The following MAP2K2 variants were observed in gnomAD, a reference collection of about 807,000 sequenced individuals.
The protein encoded by MAP2K2 is mitogen-activated protein kinase kinase 2, also known as dual specificity mitogen-activated protein kinase kinase 2.
In MAP2K2, 24 loss-of-function variants were observed where a neutral mutation model predicts 43.7. The observed-to-expected ratio is 0.55, with a 90% confidence interval of 0.40 to 0.77. The LOEUF is 0.77. Ranked by LOEUF, MAP2K2 falls within the 30% of genes least tolerant of loss-of-function variation. The pLI is 0.00. For synonymous variants in MAP2K2, 244 were observed against 239.7 expected (o/e 1.02, Z -0.17); for missense variants, 470 against 566.8 (o/e 0.83, Z 1.73).
chr19:4,091,356 A>C (rs919568560), intron 10 of MAP2K2, among the ~76,000 whole-genome samples: 1 of 145,946 alleles, frequency 6.9e-6, no homozygotes, highest in African/African-American at 2.5e-5. Flanking sequence ...TTTTACTTTA[A>C]TTTTTTTTTT....
At position 4,101,148 on chromosome 19, in the gene MAP2K2, A is replaced by G. The variant is rs757662989; in HGVS notation, c.581-5T>C. On this transcript the variant is annotated splice_region_variant and splice_polypyrimidine_tract_variant and intron_variant, in intron 5 of 10. Coordinates refer to ENST00000262948, the MANE Select transcript of MAP2K2 (RefSeq NM_030662.4). The surrounding 1 kb of genome is among the most constrained non-coding windows in gnomAD (Gnocchi z 6.3). ...GGATGTTGGAGGGCTTCACATCTGG[A>G]GGCGGCAGGCTGCGGGTGAGGGGCG... The G allele has an allele frequency of 1.7e-5, 26 of 1,520,116 alleles. No individual in the cohort carries two copies. In the South Asian group the frequency reaches 1.9e-4, roughly 11 times the overall value. The allele number at this position is 1,520,116 out of a possible 1,614,324, so 94.2% of individuals were successfully genotyped here.
At chr19:4,105,620 G>A (rs1053249238) in intron 3 of MAP2K2, among the ~76,000 whole-genome samples, 4 of 152,008 alleles carry the variant, frequency 2.6e-5, no homozygotes, top group Non-Finnish European at 5.9e-5. Flanking sequence ...TAACCTGGAC[G>A]CCGCATCACT....
Position 4,115,141 on chromosome 19 carries a change from C to T in MAP2K2, c.303+2278G>A, listed in dbSNP as rs1369617001. On this transcript the variant is annotated intron_variant, in intron 2 of 10. Coordinates refer to ENST00000262948, the MANE Select transcript of MAP2K2 (RefSeq NM_030662.4). The surrounding 1 kb of genome is among the most constrained non-coding windows in gnomAD (Gnocchi z 4.1). The stretch of plus-strand genomic sequence containing the variant: ...AAAATAGTAACGAGAGTCCCGTGCG[C>T]CCTTTCCCCGCCTCCCCCAAGATGA... Among the ~76,000 whole-genome samples, 1 of 152,068 alleles carries T rather than the reference C, an allele frequency of 6.6e-6. No individual in the cohort carries two copies. The highest frequency in any genetic ancestry group is 2.4e-5 in the African/African-American group (1 of 41,398).
chr19:4,092,514 G>A (rs1468264348), intron 10 of MAP2K2, among the ~76,000 whole-genome samples: 1 of 151,998 alleles, frequency 6.6e-6, no homozygotes, highest in Non-Finnish European at 1.5e-5. Flanking sequence ...GCTTGAACCT[G>A]GAAGATGGAG....
chr19:4,105,199 TGTGTGA>T, intron 3 of MAP2K2, among the ~76,000 whole-genome samples: 1 of 133,384 alleles, frequency 7.5e-6, no homozygotes, highest in South Asian at 2.5e-4. Context: ...TGTGTGTGTG[TGTGTGA>T]TGTTTAAAAT....
intron 10 of MAP2K2, among the ~76,000 whole-genome samples, chr19:4,092,267 T>C (rs2040861420): frequency 6.6e-6 from 1 of 152,208 alleles, no homozygotes; most frequent in Non-Finnish European, 1.5e-5. Context: ...AGGTCCAGGA[T>C]ACCCAACAGG....
intron 1 of MAP2K2, among the ~76,000 whole-genome samples, 181 bp downstream of exon 1, chr19:4,123,603 G>A (rs1376091948): frequency 3.3e-3 from 146 of 44,514 alleles, no homozygotes; most frequent in Admixed American, 0.02. Flanking sequence ...CCTCCCCCGA[G>A]GGTCCCCTGC....
chr19:4,111,960 A>AT (rs1302115253), intron 2 of MAP2K2, among the ~76,000 whole-genome samples: 1 of 150,574 alleles, frequency 6.6e-6, no homozygotes, highest in Non-Finnish European at 1.5e-5. Context: ...TCTCAAAAAA[A>AT]CCCCCAAAAA....
chr19:4,093,692 C>T (rs1411766607), intron 10 of MAP2K2, among the ~76,000 whole-genome samples: 1 of 151,900 alleles, frequency 6.6e-6, no homozygotes, highest in Non-Finnish European at 1.5e-5. Flanking sequence ...CTGTCCGACT[C>T]TCAAGAAAAA....
intron 3 of MAP2K2, chr19:4,102,764 A>G: frequency 7.8e-7 from 1 of 1,280,112 alleles, no homozygotes; most frequent in Admixed American, 3.3e-5. Context: ...GGCCAGCCCA[A>G]GCCGCGGCCG....
In MAP2K2 at chr19:4,091,291, T is replaced by C. The variant is rs1355405059; in HGVS notation, c.1093-583A>G. On this transcript the variant is annotated intron_variant, in intron 10 of 10. Coordinates refer to ENST00000262948, the MANE Select transcript of MAP2K2 (RefSeq NM_030662.4). ...CAGAGCCCCTGGACTGTGGCTCCCA[T>C]GGCTTGAGAACAAAAGCCTCAATTT... Among the ~76,000 whole-genome samples the C allele has an allele frequency of 3.3e-5, 5 of 152,328 alleles. No homozygotes were observed. The East Asian group carries it at 7.7e-4, about 23-fold the overall frequency.
chr19:4,100,159 T>C (rs2040982545), intron 6 of MAP2K2: 1 of 151,852 alleles, frequency 6.6e-6, no homozygotes, highest in Non-Finnish European at 1.5e-5. Context: ...GGCAGGAGAA[T>C]GGTGTGAATC....
intron 3 of MAP2K2, 69 bp from the exon 4 acceptor site, chr19:4,102,522 C>T (rs113143475): frequency 4.9e-6 from 6 of 1,224,044 alleles, no homozygotes; most frequent in Middle Eastern, 1.9e-4. Context: ...TGCGTCCCCC[C>T]ACTCCCGGCG....
At position 4,099,313 on chromosome 19, in the gene MAP2K2, C is replaced by A. The variant is rs779598598; in HGVS notation, c.807G>T (p.Pro269=). 6 of 1,607,482 alleles carry A rather than the reference C, an allele frequency of 3.7e-6. No homozygotes were observed. The highest frequency in any genetic ancestry group is 5.1e-6 in the Non-Finnish European group (6 of 1,177,308). Residue 269 remains proline, a synonymous_variant, in exon 7 of 11, where the codon CCG becomes CCT. Transcript: ENST00000262948. The part of the protein sequence containing the change: ...ELAVGRYPIP[P]PDAKELEAIF... ...TGGCCTCCAGCTCTTTGGCGTCGGGCGGGGGGATGGGGTACCTTCCGACGG... is the reference window on the plus strand; with the variant it reads ...TGGCCTCCAGCTCTTTGGCGTCGGGAGGGGGGATGGGGTACCTTCCGACGG...
rs943117628 is a variant in MAP2K2, at chr19:4,091,342, ATACTTT to A, written c.1093-640_1093-635del. Among the ~76,000 whole-genome samples, 20 of 152,132 alleles carry A rather than the reference ATACTTT, an allele frequency of 1.3e-4. 1 individual carries two copies. In the South Asian group the frequency reaches 3.9e-3, roughly 30 times the overall value. Reference sequence around the variant, plus strand: ...TATTTCAGTTTAACAAATTAATTAAATACTTTTACTTTAATTTTTTTTTTTTTTAGA... The same window carrying A: ...TATTTCAGTTTAACAAATTAATTAAATACTTTAATTTTTTTTTTTTTTAGA... On this transcript the variant is annotated intron_variant, in intron 10 of 10. Coordinates refer to ENST00000262948, the MANE Select transcript of MAP2K2 (RefSeq NM_030662.4).
intron 6 of MAP2K2, chr19:4,100,024 C>G (rs540973402): frequency 6.4e-6 from 1 of 156,206 alleles, no homozygotes; most frequent in East Asian, 1.6e-4. Flanking sequence ...CCGAGGCGGG[C>G]GGATCACAAG....
intron 6 of MAP2K2, 28 bp downstream of exon 6, chr19:4,100,991 C>T (rs2145053534): frequency 1.3e-6 from 2 of 1,550,514 alleles, no homozygotes; most frequent in South Asian, 1.2e-5. Context: ...GGGAGGAGAG[C>T]TGGAGGGGAG....
In MAP2K2 at chr19:4,115,354, G is replaced by A. The variant is rs572984238; in HGVS notation, c.303+2065C>T. Among the ~76,000 whole-genome samples the A allele has an allele frequency of 7.9e-5, 12 of 152,316 alleles. No homozygotes were observed. Among genetic ancestry groups the A allele is most frequent in the Admixed American group, 7.8e-4 (12 of 15,292 alleles). On this transcript the variant is annotated intron_variant, in intron 2 of 10. Transcript: ENST00000262948. This position sits in a 1 kb window ranked among gnomAD's most constrained non-coding sequence, Gnocchi z 4.1. ...TCACCTGCGCCTGTCAGCAGGAGCA[G>A]GAGCTGCTGATACAGCAAGCATTGG...
Position 4,117,452 on chromosome 19 carries a change from C to A in MAP2K2, c.270G>T (p.Gln90His), listed in dbSNP as rs2145079852. The change falls in exon 2 of 11, where the codon CAG becomes CAT. Residue 90 changes from glutamine (Q) to histidine (H), a missense_variant. Physicochemically the swap from Gln to His is conservative, Grantham distance 24. Around this residue, in one of 3 missense-constraint regions of MAP2K2, gnomAD observed 200 missense variants for 297.9 expected, o/e 0.67. Transcript: ENST00000262948. Reference protein sequence around the residue: ...AGNGGVVTKVQHRPSGLIMAR... With the variant: ...AGNGGVVTKVHHRPSGLIMAR... Reference sequence around the variant, plus strand: ...CCATGATGAGGCCCGAGGGTCTGTGCTGGACTTTGGTGACCACCCCGCCGT... The same window carrying A: ...CCATGATGAGGCCCGAGGGTCTGTGATGGACTTTGGTGACCACCCCGCCGT... The A allele has an allele frequency of 6.2e-7, 1 of 1,613,894 alleles. No individual in the cohort carries two copies. Among genetic ancestry groups the A allele is most frequent in the South Asian group, 1.1e-5 (1 of 91,080 alleles).
Sources: gnomAD v4.1 joint callset for allele counts (sites outside exome capture counted in the v4.1 genomes callset) on GRCh38, gnomAD v4.1.1 for gene constraint, gnomAD v4.1.1 regional missense constraint, Gnocchi (gnomAD v3.1) non-coding constraint, MANE v1.5 for transcripts, NCBI Gene and HGNC (gene_info 2026-07-23, HGNC 2026-07-21) for gene names.